AATF: variants seen among roughly 807,000 people sequenced by gnomAD.
The protein encoded by AATF is protein AATF.
Under a neutral mutation model 63.7 loss-of-function variants are expected in AATF, and 48 were observed. That is an observed-to-expected ratio of 0.75 (90% confidence interval 0.60 to 0.96). The LOEUF is 0.96. AATF is among the 40% of genes least tolerant of loss of function. The pLI is 0.00. For missense variants in AATF, 639 were observed against 685.7 expected (o/e 0.93, Z 0.76); for synonymous variants, 258 against 247.7 (o/e 1.04, Z -0.39).
At chr17:37,039,029 G>A (rs1023382056) in intron 11 of AATF, among the ~76,000 whole-genome samples, 6 of 152,010 alleles carry the variant, frequency 3.9e-5, no homozygotes, top group Non-Finnish European at 5.9e-5. Flanking sequence ...CCTAAATATG[G>A]GCATACTCTA....
intron 8 of AATF, among the ~76,000 whole-genome samples, chr17:37,011,698 C>T (rs970944807): frequency 5.3e-5 from 8 of 152,028 alleles, no homozygotes; most frequent in Non-Finnish European, 8.8e-5. Flanking sequence ...TCACTGATAC[C>T]GAGAAAAGAG....
intron 4 of AATF, among the ~76,000 whole-genome samples, chr17:36,982,642 G>A (rs890049314): frequency 1.3e-5 from 2 of 151,986 alleles, no homozygotes; most frequent in South Asian, 2.1e-4. Context: ...GTGAGCCACC[G>A]CGCCCAGCCC....
At chr17:36,970,880 C>CA (rs947723861) in intron 4 of AATF, among the ~76,000 whole-genome samples, 56 of 143,352 alleles carry the variant, frequency 3.9e-4, no homozygotes, top group East Asian at 3.8e-3. Flanking sequence ...CACTCATTTG[C>CA]AAAAAAAAAA....
chr17:37,009,378 C>T (rs1189017924), intron 8 of AATF, among the ~76,000 whole-genome samples: 2 of 150,620 alleles, frequency 1.3e-5, no homozygotes, highest in Non-Finnish European at 3.0e-5. Context: ...CTCCTGACCT[C>T]AGGTTATCCA....
intron 4 of AATF, among the ~76,000 whole-genome samples, chr17:36,956,692 C>A (rs1420706163): frequency 6.6e-6 from 1 of 151,350 alleles, no homozygotes; most frequent in African/African-American, 2.4e-5. Flanking sequence ...AAAAAAAGTT[C>A]TTGGCCGGGC....
At chr17:36,949,570 AAGG>A (rs960040260) in intron 1 of AATF, among the ~76,000 whole-genome samples, 11 of 152,246 alleles carry the variant, frequency 7.2e-5, no homozygotes, top group Non-Finnish European at 1.6e-4. Context: ...TTGCGTTAGA[AAGG>A]AGGAGAAGAA....
chr17:36,957,894 CT>C (rs1460128611), intron 4 of AATF, among the ~76,000 whole-genome samples: 1 of 152,178 alleles, frequency 6.6e-6, no homozygotes, highest in African/African-American at 2.4e-5. Context: ...GCCTTTGTAG[CT>C]TCAGCACCCT....
At chr17:36,978,823 T>C (rs2142234727) in intron 4 of AATF, among the ~76,000 whole-genome samples, 1 of 151,792 alleles carries the variant, frequency 6.6e-6, no homozygotes, top group South Asian at 2.1e-4. Context: ...TTGGGGAATA[T>C]AGAACAAGCC....
intron 11 of AATF, among the ~76,000 whole-genome samples, chr17:37,039,719 A>G (rs2071621891): frequency 6.6e-6 from 1 of 152,060 alleles, no homozygotes; most frequent in Non-Finnish European, 1.5e-5. Context: ...CAAAGGAAAC[A>G]CTCTCAAGTT....
chr17:36,988,393 G>A lies in AATF; in HGVS notation c.948-126G>A. 4 of 820,130 alleles carry A rather than the reference G, an allele frequency of 4.9e-6. No homozygotes were observed. In the South Asian group the frequency reaches 5.4e-5, roughly 11 times the overall value. 50.8% of individuals were successfully genotyped at this position (820,130 alleles called of 1,614,324 possible). Reference sequence around the variant, plus strand: ...AGCAAAAGCCATCCTTATATCTTTGGTGTTATTTTGAATGGAGACAGAACA... The same window carrying A: ...AGCAAAAGCCATCCTTATATCTTTGATGTTATTTTGAATGGAGACAGAACA... On this transcript the variant is annotated intron_variant, in intron 5 of 11. Coordinates refer to ENST00000619387, the MANE Select transcript of AATF (RefSeq NM_012138.4).
intron 10 of AATF, among the ~76,000 whole-genome samples, chr17:37,026,708 C>G (rs1158142047): frequency 1.3e-5 from 2 of 152,152 alleles, no homozygotes; most frequent in Non-Finnish European, 2.9e-5. Context: ...AAGTAGCAAA[C>G]TGGGATTTGA....
At chr17:37,023,891 A>G (rs2071491930) in intron 10 of AATF, among the ~76,000 whole-genome samples, 1 of 152,034 alleles carries the variant, frequency 6.6e-6, no homozygotes, top group South Asian at 2.1e-4. Flanking sequence ...CAAGTTCCTT[A>G]TATAAAGTGG....
intron 8 of AATF, among the ~76,000 whole-genome samples, chr17:37,005,115 G>A (rs1485058925): frequency 6.6e-6 from 1 of 151,590 alleles, no homozygotes; most frequent in Non-Finnish European, 1.5e-5. Context: ...TTTTGCTACA[G>A]AAATTTTGTG....
chr17:36,974,549 A>G (rs2071065429), intron 4 of AATF, among the ~76,000 whole-genome samples: 1 of 152,162 alleles, frequency 6.6e-6, no homozygotes, highest in Non-Finnish European at 1.5e-5. Flanking sequence ...AAGGCTTTTT[A>G]TCTATATGGC....
At chr17:37,050,454 C>T (rs760749999) in intron 11 of AATF, among the ~76,000 whole-genome samples, 4 of 152,188 alleles carry the variant, frequency 2.6e-5, no homozygotes, top group Non-Finnish European at 4.4e-5. Flanking sequence ...TAAGCTTCCA[C>T]CACACTAAGC....
intron 4 of AATF, among the ~76,000 whole-genome samples, chr17:36,960,276 T>C (rs1182595311): frequency 6.6e-6 from 1 of 152,204 alleles, no homozygotes; most frequent in Non-Finnish European, 1.5e-5. Flanking sequence ...CCTCCCAAAG[T>C]GCTGGGATTA....
At chr17:36,982,712 ATAAAG>A (rs2071136862) in intron 4 of AATF, among the ~76,000 whole-genome samples, 1 of 152,176 alleles carries the variant, frequency 6.6e-6, no homozygotes, top group Non-Finnish European at 1.5e-5. Flanking sequence ...TATACATGAC[ATAAAG>A]CTTATCATTT....
rs116721915 is a variant in AATF at position 36,975,530 on chromosome 17, A to G, written c.833-11087A>G. On this transcript the variant is annotated intron_variant, in intron 4 of 11. Coordinates refer to ENST00000619387, the MANE Select transcript of AATF (RefSeq NM_012138.4). ...ACTAATCCTTTTCAACAGCTGCACA[A>G]AAAGTTACCTGGCTAAACTAAAATT... is the stretch of plus-strand genomic sequence containing the variant. 5.2e-3 allele frequency among the ~76,000 whole-genome samples: 791 copies of G among 152,310 alleles called. 8 individuals carry two copies. Among genetic ancestry groups the G allele is most frequent in the African/African-American group, 0.018 (747 of 41,572 alleles).
chr17:36,984,825 C>T (rs1377735835), intron 4 of AATF, among the ~76,000 whole-genome samples: 1 of 151,276 alleles, frequency 6.6e-6, no homozygotes, highest in South Asian at 2.1e-4. Context: ...TTTTGTAGAG[C>T]TGGGGTCTTA....
Sources: gnomAD v4.1 joint callset for allele counts (sites outside exome capture counted in the v4.1 genomes callset) on GRCh38, gnomAD v4.1.1 for gene constraint, MANE v1.5 for transcripts, NCBI Gene and HGNC (gene_info 2026-07-23, HGNC 2026-07-21) for gene names.